The following CR1 variants were observed in gnomAD, a reference collection of about 807,000 sequenced individuals.
The protein encoded by CR1 is complement receptor type 1.
A neutral mutation model predicts 187.3 loss-of-function variants in CR1; 116 were observed. The ratio of observed to expected loss-of-function variants is 0.62; its 90% confidence interval spans 0.53 to 0.72. The LOEUF (loss-of-function observed/expected upper bound fraction) is 0.72. Among genes scored for constraint, CR1 ranks in the 30% least tolerant of loss-of-function variants. The probability of loss-of-function intolerance (pLI) is 0.00; values close to 1 mark genes in which losing one functional copy is unlikely to be tolerated. For missense variants in CR1, 1,731 were observed against 2,110.7 expected, an observed-to-expected ratio of 0.82 and a Z score of 3.52; for synonymous variants, 576 against 747.1, an observed-to-expected ratio of 0.77 and a Z score of 3.73.
Position 207,526,689 on chromosome 1 carries a change from A to G in CR1, c.887-64A>G, listed in dbSNP as rs1409922541. 4.4e-5 allele frequency: 66 copies of G among 1,483,236 alleles called. 9 individuals carry two copies. Among genetic ancestry groups the G allele is most frequent in the Non-Finnish European group, 5.7e-5 (64 of 1,117,150 alleles). The allele number at this position is 1,483,236 out of a possible 1,614,324, so 91.9% of individuals were successfully genotyped here. A position where few individuals can be genotyped will look rare whatever the true frequency, so the allele number is the denominator to read the frequency against. On this transcript the variant is annotated intron_variant, in intron 5 of 46. Coordinates refer to ENST00000367049, the MANE Select transcript of CR1 (RefSeq NM_000651.6). ...ATTTGTAATTATTATTCCCTTGGCC[A>G]GTTTAACAGTGAGAAAAAAGTTGTT...
chr1:207,626,535 G>A (rs116785364), intron 45 of CR1, among the ~76,000 whole-genome samples: 3,244 of 152,308 alleles, frequency 0.021, 65 homozygotes, highest in Non-Finnish European at 0.029. Flanking sequence ...CAGAATATGA[G>A]TGGAGAGTAT....
intron 34 of CR1, 81 bp downstream of exon 34, chr1:207,587,646 C>G (rs1297606997): frequency 1.4e-6 from 2 of 1,382,486 alleles, no homozygotes; most frequent in African/African-American, 2.9e-5. Flanking sequence ...CGCCTGTAAT[C>G]CCATCACTTT....
At chr1:207,590,523 C>A (rs1221463739) in intron 35 of CR1, among the ~76,000 whole-genome samples, 1 of 152,126 alleles carries the variant, frequency 6.6e-6, no homozygotes, top group Non-Finnish European at 1.5e-5. Flanking sequence ...ATTGTAAAGA[C>A]CATCAACAAT....
chr1:207,622,890 A>C, intron 44 of CR1, 103 bp from the exon 45 acceptor site: 1 of 776,968 alleles, frequency 1.3e-6, no homozygotes, highest in Non-Finnish European at 2.1e-6. Flanking sequence ...CTTTAAAAAA[A>C]AAAAAGCATT....
chr1:207,503,263 G>A (rs1410204881), intron 1 of CR1, among the ~76,000 whole-genome samples: 1 of 152,182 alleles, frequency 6.6e-6, no homozygotes, highest in African/African-American at 2.4e-5. Flanking sequence ...TAGCCACTAA[G>A]TAGAAGACAT....
chr1:207,500,886 GGATA>G (rs1659245540), intron 1 of CR1, among the ~76,000 whole-genome samples: 1 of 151,972 alleles, frequency 6.6e-6, no homozygotes, highest in East Asian at 1.9e-4. Flanking sequence ...ACAAGTAAAT[GGATA>G]AACTAAATTA....
chr1:207,607,221 C>A, intron 35 of CR1, 30 bp from the exon 36 acceptor site: 5 of 1,516,814 alleles, frequency 3.3e-6, no homozygotes, highest in Non-Finnish European at 4.6e-6. Flanking sequence ...ATATGTGTAG[C>A]GTATAACCAT....
chr1:207,505,587 A>G (rs1659401995), intron 1 of CR1, among the ~76,000 whole-genome samples: 1 of 152,054 alleles, frequency 6.6e-6, no homozygotes, highest in African/African-American at 2.4e-5. Flanking sequence ...TGTAATCCCA[A>G]CACTTTGGGA....
At chr1:207,603,006 GATATA>G (rs1469534118) in intron 35 of CR1, among the ~76,000 whole-genome samples, 1 of 151,988 alleles carries the variant, frequency 6.6e-6, no homozygotes, top group Admixed American at 6.6e-5. Context: ...AGAAATGGAA[GATATA>G]ATATTTTATT....
Position 207,503,105 on chromosome 1 carries a change from C to T in CR1, c.122-2799C>T, listed in dbSNP as rs568695134. ...CTTACCCTTTTCTAAGGGTAATAAT[C>T]GTAAGTATAATTTATGAAGTGCCTT... On this transcript the variant is annotated intron_variant, in intron 1 of 46. Transcript: ENST00000367049. 3.4e-4 allele frequency among the ~76,000 whole-genome samples: 52 copies of T among 152,272 alleles called. No homozygotes were observed. The South Asian group carries it at 8.9e-3, about 26-fold the overall frequency.
At chr1:207,577,507 C>A (rs182693477) in intron 28 of CR1, among the ~76,000 whole-genome samples, 120 of 152,176 alleles carry the variant, frequency 7.9e-4, no homozygotes, top group Non-Finnish European at 1.2e-3. Flanking sequence ...CGGTGGCTCA[C>A]GCTTATAATC....
intron 4 of CR1, among the ~76,000 whole-genome samples, chr1:207,512,937 AT>A (rs1303381615): frequency 6.6e-6 from 1 of 152,224 alleles, no homozygotes; most frequent in Non-Finnish European, 1.5e-5. Flanking sequence ...CTAGGGGAAG[AT>A]TTACAATACA....
At chr1:207,519,318 ATAAAT>A (rs1303743000) in intron 4 of CR1, among the ~76,000 whole-genome samples, 6 of 151,898 alleles carry the variant, frequency 4.0e-5, no homozygotes, top group Non-Finnish European at 7.4e-5. Flanking sequence ...TTAAAAATAA[ATAAAT>A]TTAATATAGT....
At chr1:207,524,523 A>G (rs550531831) in intron 5 of CR1, among the ~76,000 whole-genome samples, 15 of 152,062 alleles carry the variant, frequency 9.9e-5, no homozygotes, top group Middle Eastern at 3.4e-3. Flanking sequence ...AGCTGGGAAT[A>G]TAGGTGCATG....
At chr1:207,578,254 T>C (rs955695623) in intron 29 of CR1, 51 bp downstream of exon 29, 2 of 1,611,398 alleles carry the variant, frequency 1.2e-6, no homozygotes, top group Non-Finnish European at 1.7e-6. Context: ...TGTGTTGCTG[T>C]TGGATCAGGA....
chr1:207,589,887 A>G (rs1239669629), intron 35 of CR1, among the ~76,000 whole-genome samples: 2 of 152,246 alleles, frequency 1.3e-5, no homozygotes, highest in African/African-American at 2.4e-5. Flanking sequence ...GATCAACTTA[A>G]TGAAATAAAG....
At chr1:207,636,034 T>C (rs1300443233) in intron 46 of CR1, among the ~76,000 whole-genome samples, 6 of 152,032 alleles carry the variant, frequency 3.9e-5, no homozygotes, top group Non-Finnish European at 7.3e-5. Context: ...TACTTCTTTC[T>C]ACACAGACAC....
intron 45 of CR1, among the ~76,000 whole-genome samples, chr1:207,626,935 G>A (rs1033839035): frequency 2.6e-5 from 4 of 152,200 alleles, no homozygotes. Flanking sequence ...CTACTCAGGA[G>A]GCTGAGGCAG....
chr1:207,614,274 G>A (rs1384393305), intron 39 of CR1, 130 bp from the exon 40 acceptor site: 2 of 697,582 alleles, frequency 2.9e-6, no homozygotes, highest in South Asian at 1.5e-5. Context: ...TTTTAGCTGG[G>A]CCTGAACCTA....
Sources: allele counts gnomAD v4.1 joint callset (sites outside exome capture counted in the v4.1 genomes callset), GRCh38; gene constraint gnomAD v4.1.1; transcripts MANE v1.5; gene names NCBI Gene and HGNC (gene_info 2026-07-23, HGNC 2026-07-21).